Variants in GALNT2 observed in about 807,000 individuals in gnomAD.
GALNT2 encodes polypeptide N-acetylgalactosaminyltransferase 2, also known as UDP-GalNAc:polypeptide N-acetylgalactosaminyltransferase 2.
GALNT2 carries 31 observed loss-of-function variants against 81.4 expected under a neutral mutation model. That is an observed-to-expected ratio of 0.38 (90% confidence interval 0.29 to 0.51). The LOEUF (loss-of-function observed/expected upper bound fraction) is 0.51. Among genes scored for constraint, GALNT2 ranks in the 20% least tolerant of loss-of-function variants. The pLI is 0.87. For synonymous variants in GALNT2, 303 were observed against 287.4 expected (o/e 1.05, Z -0.55); for missense variants, 629 against 765.7 (o/e 0.82, Z 2.11).
At chr1:230,265,421 G>A (rs916589420) in intron 14 of GALNT2, 54 bp downstream of exon 14, 6 of 1,611,002 alleles carry the variant, frequency 3.7e-6, no homozygotes, top group African/African-American at 1.3e-5. Context: ...GCAGGAGTTG[G>A]GGGGGTCCTG....
chr1:230,079,196 T>C (rs886690137), intron 1 of GALNT2, among the ~76,000 whole-genome samples: 20 of 152,400 alleles, frequency 1.3e-4, no homozygotes, highest in African/African-American at 4.1e-4. Context: ...AAGGCTATTT[T>C]ACGTGGTATT....
intron 1 of GALNT2, among the ~76,000 whole-genome samples, chr1:230,166,146 G>C (rs890416624): frequency 6.6e-6 from 1 of 151,710 alleles, no homozygotes. Flanking sequence ...AAGACCTTTT[G>C]AAAAAAATAG....
chr1:230,101,681 A>G (rs1380518099), intron 1 of GALNT2, among the ~76,000 whole-genome samples: 2 of 152,354 alleles, frequency 1.3e-5, no homozygotes, highest in African/African-American at 2.4e-5. Context: ...TGGAGGAAAA[A>G]TGTATCTTAA....
chr1:230,131,394 C>T (rs187966343), intron 1 of GALNT2, among the ~76,000 whole-genome samples: 56 of 152,302 alleles, frequency 3.7e-4, no homozygotes, highest in Middle Eastern at 6.8e-3. Context: ...AATCAAAAAA[C>T]CTTTGAATCC....
chr1:230,235,921 C>T (rs1217545916), intron 3 of GALNT2, 93 bp from the exon 4 acceptor site: 4 of 1,060,114 alleles, frequency 3.8e-6, no homozygotes, highest in Non-Finnish European at 5.7e-6. Flanking sequence ...ATGTCCATCC[C>T]AGTTGGTCAG....
chr1:230,246,520 G>A (rs1391039941), intron 8 of GALNT2, among the ~76,000 whole-genome samples: 1 of 152,164 alleles, frequency 6.6e-6, no homozygotes. Context: ...CAAGGGGCTG[G>A]AGCCTGTCTT....
chr1:230,078,574 C>T (rs1659635460), intron 1 of GALNT2, among the ~76,000 whole-genome samples: 1 of 152,176 alleles, frequency 6.6e-6, no homozygotes, highest in Admixed American at 6.5e-5. Flanking sequence ...TCAGAGATCA[C>T]GTTAGATCCT....
chr1:230,078,280 G>A, intron 1 of GALNT2, among the ~76,000 whole-genome samples: 1 of 151,896 alleles, frequency 6.6e-6, no homozygotes, highest in East Asian at 1.9e-4. Context: ...GTCGTATTTG[G>A]GGGGGGATCA....
At chr1:230,209,723 G>A (rs1664175128) in intron 3 of GALNT2, among the ~76,000 whole-genome samples, 1 of 152,082 alleles carries the variant, frequency 6.6e-6, no homozygotes, top group Non-Finnish European at 1.5e-5. Flanking sequence ...CACACTTGTG[G>A]TCCCAGCTAC....
At chr1:230,173,686 G>C (rs745413629) in intron 1 of GALNT2, among the ~76,000 whole-genome samples, 1 of 152,234 alleles carries the variant, frequency 6.6e-6, no homozygotes, top group African/African-American at 2.4e-5. Flanking sequence ...AAAACACACA[G>C]ATCTGTTGGT....
At chr1:230,156,199 G>A (rs964095552) in intron 1 of GALNT2, among the ~76,000 whole-genome samples, 1 of 149,578 alleles carries the variant, frequency 6.7e-6, no homozygotes, top group Non-Finnish European at 1.5e-5. Flanking sequence ...TGGGATGGGG[G>A]AGCAGACGAG....
intron 1 of GALNT2, among the ~76,000 whole-genome samples, chr1:230,093,223 T>A (rs1447557473): frequency 6.6e-6 from 1 of 152,212 alleles, no homozygotes; most frequent in Non-Finnish European, 1.5e-5. Context: ...AAACATTTTC[T>A]TGAGAGAGAG....
intron 11 of GALNT2, 179 bp from the exon 12 acceptor site, chr1:230,262,394 A>C: frequency 1.7e-6 from 1 of 580,334 alleles, no homozygotes; most frequent in Non-Finnish European, 3.1e-6. Flanking sequence ...GGCTCCCCAC[A>C]GGTCCAGCTC....
intron 1 of GALNT2, among the ~76,000 whole-genome samples, chr1:230,058,994 G>A (rs1571913987): frequency 6.6e-6 from 1 of 152,180 alleles, no homozygotes; most frequent in African/African-American, 2.4e-5. Flanking sequence ...AGGGGCGTGC[G>A]AACGAGTTCC....
chr1:230,270,893 C>T (rs568822222), intron 14 of GALNT2, among the ~76,000 whole-genome samples: 9 of 152,322 alleles, frequency 5.9e-5, no homozygotes, highest in Non-Finnish European at 1.0e-4. Flanking sequence ...AAGAACAAAA[C>T]GGCAACTAGC....
At chr1:230,075,757 GA>G (rs772366845) in intron 1 of GALNT2, among the ~76,000 whole-genome samples, 1 of 152,098 alleles carries the variant, frequency 6.6e-6, no homozygotes, top group Non-Finnish European at 1.5e-5. Context: ...GTGTGCTGTG[GA>G]AAAAATAGAG....
At chr1:230,261,299 A>G (rs1029635161) in intron 11 of GALNT2, among the ~76,000 whole-genome samples, 1 of 152,118 alleles carries the variant, frequency 6.6e-6, no homozygotes, top group Non-Finnish European at 1.5e-5. Context: ...TATATATATC[A>G]CCTTATATGA....
Position 230,279,152 on chromosome 1 carries a change from TGCAA to T in GALNT2, c.1561-148_1561-145del. The T allele has an allele frequency of 2.6e-6, 2 of 755,036 alleles. No homozygotes were observed. Among genetic ancestry groups the T allele is most frequent in the South Asian group, 4.1e-5 (2 of 48,966 alleles). The allele number at this position is 755,036 out of a possible 1,614,324, so 46.8% of individuals were successfully genotyped here. ...TGTGGCTGGTTTCCTGTGGGGCTGCTGCAAGCTCCTCGGCCGTTCAGATGAGAGG... is the reference window on the plus strand; with the variant it reads ...TGTGGCTGGTTTCCTGTGGGGCTGCTGCTCCTCGGCCGTTCAGATGAGAGG... On this transcript the variant is annotated intron_variant, in intron 15 of 15. Transcript: ENST00000366672. This position sits in a 1 kb window ranked among gnomAD's most constrained non-coding sequence, Gnocchi z 4.6.
At chr1:230,200,358 C>T (rs536606943) in intron 2 of GALNT2, among the ~76,000 whole-genome samples, 82 of 152,286 alleles carry the variant, frequency 5.4e-4, no homozygotes, top group African/African-American at 1.4e-3. Flanking sequence ...CCAGTGCGCC[C>T]GGCCTAGTAC....
Sources: allele counts gnomAD v4.1 joint callset (sites outside exome capture counted in the v4.1 genomes callset), GRCh38; gene constraint gnomAD v4.1.1; non-coding constraint Gnocchi (gnomAD v3.1); transcripts MANE v1.5; gene names NCBI Gene and HGNC (gene_info 2026-07-23, HGNC 2026-07-21).